Variants in SYT14 observed in about 807,000 individuals in gnomAD.
The protein encoded by SYT14 is synaptotagmin 14.
In SYT14, 32 loss-of-function variants were observed where a neutral mutation model predicts 74.2. That is an observed-to-expected ratio of 0.43 (90% CI 0.33 to 0.58). The LOEUF (loss-of-function observed/expected upper bound fraction) is 0.58. SYT14 is among the 20% of genes least tolerant of loss of function. The probability of loss-of-function intolerance (pLI) is 0.05; values close to 1 mark genes in which losing one functional copy is unlikely to be tolerated. For missense variants in SYT14, 791 were observed against 981.8 expected (o/e 0.81, Z 2.60); for synonymous variants, 298 against 337.7 (o/e 0.88, Z 1.29).
At chr1:210,154,836 A>G (rs1053828497) in intron 7 of SYT14, among the ~76,000 whole-genome samples, 8 of 152,162 alleles carry the variant, frequency 5.3e-5, no homozygotes, top group Non-Finnish European at 1.2e-4. Flanking sequence ...AATTCTGTGT[A>G]CTTGGGAAAA....
intron 1 of SYT14, among the ~76,000 whole-genome samples, chr1:209,949,353 T>A (rs1305712751): frequency 6.6e-6 from 1 of 151,972 alleles, no homozygotes; most frequent in Non-Finnish European, 1.5e-5. Flanking sequence ...GGCGGGCGGA[T>A]CATGAGGTCA....
At chr1:209,944,576 G>T (rs895542189) in intron 1 of SYT14, among the ~76,000 whole-genome samples, 5 of 152,086 alleles carry the variant, frequency 3.3e-5, no homozygotes, top group Admixed American at 2.0e-4. Context: ...CAAAGTGTAG[G>T]CTGCTATTTA....
At chr1:210,028,743 A>C (rs1295594099) in intron 5 of SYT14, among the ~76,000 whole-genome samples, 2 of 152,276 alleles carry the variant, frequency 1.3e-5, no homozygotes, top group East Asian at 1.9e-4. Context: ...TGGGTGTACA[A>C]ATATCTCTTT....
chr1:210,162,808 A>T lies in SYT14; in HGVS notation c.*1766A>T, dbSNP rs186944344. The T allele has an allele frequency of 2.1e-4, 96 of 451,560 alleles. No homozygotes were observed. The East Asian group carries it at 5.8e-3, about 27-fold the overall frequency. The allele number at this position is 451,560 out of a possible 1,614,324, so 28.0% of individuals were successfully genotyped here. On this transcript the variant is annotated 3_prime_UTR_variant, in exon 10 of 10. Transcript: ENST00000637265. ...ATGGCAGCTCTATGCATTCATACAC[A>T]TGAATTATAAGAAAAAATACAAATG...
intron 2 of SYT14, among the ~76,000 whole-genome samples, chr1:209,980,059 A>T (rs2079453146): frequency 6.6e-6 from 1 of 152,200 alleles, no homozygotes; most frequent in Admixed American, 6.5e-5. Context: ...GTTGAACTTA[A>T]CTTACATTTT....
chr1:210,132,567 T>G (rs1364529224), intron 7 of SYT14, among the ~76,000 whole-genome samples: 2 of 145,082 alleles, frequency 1.4e-5, no homozygotes, highest in African/African-American at 5.1e-5. Context: ...ATTTTATATA[T>G]TGTGTGTGTG....
chr1:210,098,284 G>A (rs1349166932), intron 6 of SYT14, among the ~76,000 whole-genome samples: 3 of 152,052 alleles, frequency 2.0e-5, no homozygotes, highest in Non-Finnish European at 2.9e-5. Context: ...AGTAGTTACG[G>A]TACATGTTAA....
intron 5 of SYT14, among the ~76,000 whole-genome samples, chr1:210,070,714 G>A (rs960663616): frequency 7.2e-5 from 11 of 151,984 alleles, no homozygotes; most frequent in African/African-American, 1.4e-4. Flanking sequence ...AGTGGCTTGC[G>A]CTTTGTTGTA....
intron 2 of SYT14, among the ~76,000 whole-genome samples, chr1:209,978,476 AC>A (rs1425304938): frequency 6.6e-6 from 1 of 151,972 alleles, no homozygotes; most frequent in Non-Finnish European, 1.5e-5. Flanking sequence ...TCCACTCCAG[AC>A]CCTGTTTGCC....
chr1:210,068,220 A>C (rs892410422), intron 5 of SYT14, among the ~76,000 whole-genome samples: 1 of 151,674 alleles, frequency 6.6e-6, no homozygotes, highest in African/African-American at 2.4e-5. Context: ...TAATCTGTTC[A>C]TGTTGTGAAT....
chr1:209,982,788 C>A (rs1042184458), intron 2 of SYT14, among the ~76,000 whole-genome samples: 1 of 152,168 alleles, frequency 6.6e-6, no homozygotes, highest in Non-Finnish European at 1.5e-5. Context: ...CTTTTAGAGT[C>A]GCTGTGCCAT....
chr1:209,978,683 T>C (rs1286857476), intron 2 of SYT14, among the ~76,000 whole-genome samples: 1 of 152,176 alleles, frequency 6.6e-6, no homozygotes, highest in Non-Finnish European at 1.5e-5. Context: ...GTCTGTCCGT[T>C]CTCAGATCTC....
intron 2 of SYT14, among the ~76,000 whole-genome samples, chr1:209,994,789 C>T (rs1178503313): frequency 2.0e-5 from 3 of 152,176 alleles, no homozygotes; most frequent in South Asian, 2.1e-4. Flanking sequence ...AGCAGCAGAC[C>T]TCTCAGTAGA....
intron 5 of SYT14, among the ~76,000 whole-genome samples, chr1:210,049,496 A>G (rs892661585): frequency 1.3e-5 from 2 of 150,558 alleles, no homozygotes; most frequent in African/African-American, 2.5e-5. Context: ...GGTTTGTTAC[A>G]TAGGTATACA....
At chr1:210,054,866 C>T (rs1176213743) in intron 5 of SYT14, among the ~76,000 whole-genome samples, 1 of 152,170 alleles carries the variant, frequency 6.6e-6, no homozygotes, top group East Asian at 1.9e-4. Context: ...TCACTTAATT[C>T]TCTGTTTTCA....
At chr1:210,162,274 G>A (rs569816882) in exon 10 of SYT14, 2 of 437,910 alleles carry the variant, frequency 4.6e-6, no homozygotes, top group South Asian at 1.7e-5. Context: ...CAGCTTGAAC[G>A]TTGTATTTGC....
chr1:210,093,290 C>G (rs1477122116), intron 5 of SYT14, among the ~76,000 whole-genome samples: 2 of 151,898 alleles, frequency 1.3e-5, no homozygotes, highest in Non-Finnish European at 2.9e-5. Context: ...TTGAACTGAA[C>G]TCCATAACAA....
intron 7 of SYT14, among the ~76,000 whole-genome samples, chr1:210,147,145 GAAAT>G (rs2083056927): frequency 6.7e-6 from 1 of 150,346 alleles, no homozygotes; most frequent in Non-Finnish European, 1.5e-5. Context: ...ATAGAATAAA[GAAAT>G]AAAAGAAGTA....
chr1:209,986,511 G>A (rs2079572384), intron 2 of SYT14, among the ~76,000 whole-genome samples: 2 of 151,978 alleles, frequency 1.3e-5, no homozygotes, highest in African/African-American at 4.8e-5. Context: ...TACTCAGGAG[G>A]CTGAGGCAGG....
Sources: gnomAD v4.1 joint callset for allele counts (sites outside exome capture counted in the v4.1 genomes callset) on GRCh38, gnomAD v4.1.1 for gene constraint, MANE v1.5 for transcripts, NCBI Gene and HGNC (gene_info 2026-07-23, HGNC 2026-07-21) for gene names.